Variants in KCNH2 observed in about 807,000 individuals in gnomAD.
The protein encoded by KCNH2 is voltage-gated inwardly rectifying potassium channel KCNH2.
Under a neutral mutation model 95.9 loss-of-function variants are expected in KCNH2, and 35 were observed. That is an observed-to-expected ratio of 0.37 (90% confidence interval 0.28 to 0.48). The LOEUF is 0.48. Among genes scored for constraint, KCNH2 ranks in the 20% least tolerant of loss-of-function variants. The pLI is 0.99. For synonymous variants in KCNH2, 786 were observed against 754.7 expected (o/e 1.04, Z -0.68); for missense variants, 1,274 against 1,702.9 (o/e 0.75, Z 4.43).
intron 2 of KCNH2, among the ~76,000 whole-genome samples, chr7:150,967,836 G>C (rs549931761): frequency 1.3e-5 from 2 of 152,346 alleles, no homozygotes; most frequent in East Asian, 1.9e-4. Flanking sequence ...TGCAATATCT[G>C]TTTCCAGTTC....
chr7:150,952,791 G>A lies in KCNH2; in HGVS notation c.1191C>T (p.Arg397=), dbSNP rs1362497464. ...EYKLQAPRIH[R]WTILHYSPFK... ...AGGGGCTGTAATGCAGGATGGTCCA[G>A]CGGTGGATGCGCGGTGCCTGCAGCT... The change falls in exon 6 of 15, where the codon CGC becomes CGT. Residue 397 remains arginine (R), a synonymous_variant. Coordinates refer to ENST00000262186, the MANE Select transcript of KCNH2 (RefSeq NM_000238.4). The surrounding 1 kb of genome is among the most constrained non-coding windows in gnomAD (Gnocchi z 7.3). 1 of 1,614,154 alleles carries A rather than the reference G, an allele frequency of 6.2e-7. No homozygotes were observed. The highest frequency in any genetic ancestry group is 1.7e-5 in the Admixed American group (1 of 60,018).
Position 150,952,308 on chromosome 7 carries a change from C to T in KCNH2, c.1557+117G>A, listed in dbSNP as rs1047652437. On this transcript the variant is annotated intron_variant, in intron 6 of 14. Transcript: ENST00000262186. This position sits in a 1 kb window ranked among gnomAD's most constrained non-coding sequence, Gnocchi z 7.3. Reference sequence around the variant, plus strand: ...TGTCTCTCTCCCACTGTCTTTCTCTCTTTCTCTCTCTCTCTCTTTTTCTCT... The same window carrying T: ...TGTCTCTCTCCCACTGTCTTTCTCTTTTTCTCTCTCTCTCTCTTTTTCTCT... The T allele has an allele frequency of 2.0e-4, 231 of 1,149,084 alleles. No individual in the cohort carries two copies. Among genetic ancestry groups the T allele is most frequent in the Non-Finnish European group, 2.7e-4 (215 of 793,454 alleles). The allele number at this position is 1,149,084 out of a possible 1,614,324, so 71.2% of individuals were successfully genotyped here. A position where few individuals can be genotyped will look rare whatever the true frequency, so the allele number is the denominator to read the frequency against.
intron 12 of KCNH2, 41 bp downstream of exon 12, chr7:150,947,565 C>A (rs374173949): frequency 1.2e-6 from 2 of 1,606,842 alleles, no homozygotes; most frequent in Admixed American, 1.7e-5. Context: ...ACCACCGCTG[C>A]CACGCCCGGT....
chr7:150,946,901 G>A lies in KCNH2; in HGVS notation c.3306C>T (p.Thr1102=). 1 of 1,599,306 alleles carries A rather than the reference G, an allele frequency of 6.3e-7. No individual in the cohort carries two copies. Among genetic ancestry groups the A allele is most frequent in the South Asian group, 1.1e-5 (1 of 89,456 alleles). Residue 1102 remains threonine, a synonymous_variant, in exon 14 of 15, where the codon ACC becomes ACT. Coordinates refer to ENST00000262186, the MANE Select transcript of KCNH2 (RefSeq NM_000238.4). This position sits in a 1 kb window ranked among gnomAD's most constrained non-coding sequence, Gnocchi z 6.5. ...SPLLPVSPLP[T]LTLDSLSQVS... ...CCTGAGAAAGCGAGTCCAAGGTGAG[G>A]GTGGGGAGGGGGCTGACGGGCAACA...
chr7:150,976,880 C>A (rs924779849), intron 1 of KCNH2, among the ~76,000 whole-genome samples: 2 of 151,866 alleles, frequency 1.3e-5, no homozygotes, highest in African/African-American at 2.4e-5. Context: ...CAATACTGAC[C>A]ATCGGACTGA....
chr7:150,975,228 C>T (rs1226685342), intron 1 of KCNH2, among the ~76,000 whole-genome samples: 1 of 152,112 alleles, frequency 6.6e-6, no homozygotes, highest in Non-Finnish European at 1.5e-5. Context: ...TCCTCCATGC[C>T]CGAGGCTGAG....
chr7:150,951,317 G>A, intron 7 of KCNH2, 131 bp downstream of exon 7: 2 of 1,248,386 alleles, frequency 1.6e-6, no homozygotes, highest in East Asian at 4.7e-5. Flanking sequence ...CCCAAACCAT[G>A]TCACGATGGT....
In KCNH2 at chr7:150,974,695, C is replaced by A; in HGVS notation, c.307+16G>T. 1 of 1,571,938 alleles carries A rather than the reference C, an allele frequency of 6.4e-7. No individual in the cohort carries two copies. Among genetic ancestry groups the A allele is most frequent in the Non-Finnish European group, 8.6e-7 (1 of 1,158,146 alleles). ...ACCCCGCCCCTGGTCGTGGCCCCGC[C>A]CCGGCCCGCTCCTACCATCTTTCCG... On this transcript the variant is annotated intron_variant, in intron 2 of 14. Coordinates refer to ENST00000262186, the MANE Select transcript of KCNH2 (RefSeq NM_000238.4).
At chr7:150,958,905 G>C in intron 3 of KCNH2, among the ~76,000 whole-genome samples, 1 of 152,242 alleles carries the variant, frequency 6.6e-6, no homozygotes, top group East Asian at 1.9e-4. Flanking sequence ...GGTGGCATCC[G>C]ATGAGCAGGT....
At chr7:150,964,224 C>T (rs956438419) in intron 2 of KCNH2, among the ~76,000 whole-genome samples, 1 of 152,196 alleles carries the variant, frequency 6.6e-6, no homozygotes, top group Admixed American at 6.5e-5. Flanking sequence ...TGCGCTCCTC[C>T]GTAAATGAGG....
At chr7:150,948,807 C>G in intron 10 of KCNH2, 49 bp downstream of exon 10, 1 of 1,554,200 alleles carries the variant, frequency 6.4e-7, no homozygotes, top group Non-Finnish European at 8.9e-7. Context: ...GGGGCAGCCA[C>G]ACAGCTGGAA....
intron 7 of KCNH2, 113 bp downstream of exon 7, chr7:150,951,334 TG>T: frequency 7.9e-7 from 1 of 1,273,240 alleles, no homozygotes; most frequent in Non-Finnish European, 1.1e-6. Context: ...TGGTGGCCCC[TG>T]GAGTCTCTAA....
At position 150,945,614 on chromosome 7, in the gene KCNH2, G is replaced by C. The variant is rs777981133; in HGVS notation, c.3331-100C>G. On this transcript the variant is annotated intron_variant, in intron 14 of 14. Transcript: ENST00000262186. This position sits in a 1 kb window ranked among gnomAD's most constrained non-coding sequence, Gnocchi z 5.6. ...ACCCGGGGACAGAGGATGGACGGGA[G>C]GACAGGAGGGCCAAGAGGAGAGTCA... 1.5e-5 allele frequency: 19 copies of C among 1,259,110 alleles called. No homozygotes were observed. The highest frequency in any genetic ancestry group is 2.0e-5 in the Non-Finnish European group (18 of 883,292). 78.0% of individuals were successfully genotyped at this position (1,259,110 alleles called of 1,614,324 possible).
At chr7:150,974,093 C>A (rs183136504) in intron 2 of KCNH2, among the ~76,000 whole-genome samples, 187 of 152,326 alleles carry the variant, frequency 1.2e-3, no homozygotes, top group African/African-American at 4.2e-3. Flanking sequence ...GTAAAGACAC[C>A]TGGCGCAGGA....
At chr7:150,953,963 A>G (rs1398021465) in intron 5 of KCNH2, among the ~76,000 whole-genome samples, 1 of 152,224 alleles carries the variant, frequency 6.6e-6, no homozygotes, top group Non-Finnish European at 1.5e-5. Context: ...ACTCCCCTTC[A>G]TACTCAAGCT....
intron 2 of KCNH2, among the ~76,000 whole-genome samples, chr7:150,968,144 A>C (rs1801752140): frequency 6.6e-6 from 1 of 152,220 alleles, no homozygotes; most frequent in African/African-American, 2.4e-5. Flanking sequence ...AGTGGCCAAG[A>C]TATGCGGGTA....
intron 1 of KCNH2, among the ~76,000 whole-genome samples, chr7:150,976,203 G>A (rs1563191772): frequency 6.6e-6 from 1 of 151,958 alleles, no homozygotes; most frequent in Non-Finnish European, 1.5e-5. Flanking sequence ...TCAGGTTGCA[G>A]CCCTAGGCAA....
chr7:150,951,313 C>G, intron 7 of KCNH2, 135 bp downstream of exon 7: 8 of 1,231,660 alleles, frequency 6.5e-6, no homozygotes, highest in Non-Finnish European at 9.3e-6. Flanking sequence ...AGCCCCCAAA[C>G]CATGTCACGA....
At chr7:150,947,273 AGGACCT>A in intron 13 of KCNH2, 49 bp downstream of exon 13, 1 of 1,432,328 alleles carries the variant, frequency 7.0e-7, no homozygotes, top group African/African-American at 1.4e-5. Context: ...CAACACCGCC[AGGACCT>A]GGACCAGACT....
Sources: allele counts gnomAD v4.1 joint callset (sites outside exome capture counted in the v4.1 genomes callset), GRCh38; gene constraint gnomAD v4.1.1; non-coding constraint Gnocchi (gnomAD v3.1); transcripts MANE v1.5; gene names NCBI Gene and HGNC (gene_info 2026-07-23, HGNC 2026-07-21).